The following THSD7B variants were observed in gnomAD, a reference collection of about 807,000 sequenced individuals.
THSD7B encodes the protein thrombospondin type-1 domain-containing protein 7B.
Under a neutral mutation model 213.6 loss-of-function variants are expected in THSD7B, and 138 were observed. The ratio of observed to expected loss-of-function variants is 0.65; its 90% CI spans 0.56 to 0.74. The LOEUF (loss-of-function observed/expected upper bound fraction) is 0.74. THSD7B is among the 30% of genes least tolerant of loss of function. The pLI, the probability that THSD7B is intolerant of heterozygous loss-of-function variation, is 0.00. For synonymous variants in THSD7B, 742 were observed against 687.0 expected, an observed-to-expected ratio of 1.08 and a Z score of -1.25; for missense variants, 1,931 against 1,991.5, an observed-to-expected ratio of 0.97 and a Z score of 0.58.
chr2:136,997,057 A>G (rs968897003), intron 2 of THSD7B, among the ~76,000 whole-genome samples: 1 of 152,206 alleles, frequency 6.6e-6, no homozygotes, highest in African/African-American at 2.4e-5. Flanking sequence ...TGTAATTGGT[A>G]TCTCTTTCCA....
At chr2:137,604,698 T>C (rs1458848650) in intron 17 of THSD7B, among the ~76,000 whole-genome samples, 4 of 152,214 alleles carry the variant, frequency 2.6e-5, no homozygotes, top group African/African-American at 9.6e-5. Context: ...TGATCTCTTG[T>C]TGAGTTTTGC....
chr2:137,027,464 C>T (rs11896345), intron 2 of THSD7B, among the ~76,000 whole-genome samples: 1,801 of 152,272 alleles, frequency 0.012, 26 homozygotes, highest in African/African-American at 0.04. Flanking sequence ...CCAGAAGGAA[C>T]GCAAATTTTA....
intron 15 of THSD7B, among the ~76,000 whole-genome samples, chr2:137,497,281 GTTGA>G (rs1558816690): frequency 2.0e-5 from 3 of 151,512 alleles, no homozygotes; most frequent in Non-Finnish European, 2.9e-5. Context: ...ATAACATTCT[GTTGA>G]TTAACATTGA....
intron 11 of THSD7B, among the ~76,000 whole-genome samples, chr2:137,274,732 G>A (rs1682828309): frequency 6.6e-6 from 1 of 152,018 alleles, no homozygotes; most frequent in African/African-American, 2.4e-5. Flanking sequence ...TGACATTTTA[G>A]TTCAAAAGTT....
intron 2 of THSD7B, among the ~76,000 whole-genome samples, chr2:137,038,986 A>G (rs547346386): frequency 1.3e-5 from 2 of 152,346 alleles, no homozygotes; most frequent in South Asian, 2.1e-4. Flanking sequence ...TTTATGAATT[A>G]GCACTGAAAT....
chr2:137,264,814 ATT>A (rs1055275282), intron 10 of THSD7B, among the ~76,000 whole-genome samples: 1 of 149,724 alleles, frequency 6.7e-6, no homozygotes, highest in Non-Finnish European at 1.5e-5. Context: ...TTTTTTTTAA[ATT>A]TTTTTTATTT....
chr2:136,941,949 A>G (rs554446251), intron 2 of THSD7B, among the ~76,000 whole-genome samples: 4 of 152,254 alleles, frequency 2.6e-5, no homozygotes, highest in African/African-American at 9.6e-5. Flanking sequence ...GGTATTGCCT[A>G]GGTTTTCTTC....
At chr2:136,776,310 A>G (rs145227437) in intron 1 of THSD7B, among the ~76,000 whole-genome samples, 4 of 152,294 alleles carry the variant, frequency 2.6e-5, no homozygotes, top group African/African-American at 7.2e-5. Context: ...AATCTTTAAT[A>G]ACATCTTATT....
intron 4 of THSD7B, among the ~76,000 whole-genome samples, chr2:137,098,567 G>A (rs929925365): frequency 5.3e-5 from 8 of 152,164 alleles, no homozygotes; most frequent in Non-Finnish European, 8.8e-5. Flanking sequence ...CCCTAGAAAA[G>A]CATCATTTGA....
At chr2:137,459,246 T>A (rs1052508015) in intron 15 of THSD7B, among the ~76,000 whole-genome samples, 5 of 152,182 alleles carry the variant, frequency 3.3e-5, no homozygotes, top group African/African-American at 9.7e-5. Flanking sequence ...TTCTTTAGAT[T>A]TTTTAAAGCT....
intron 12 of THSD7B, among the ~76,000 whole-genome samples, chr2:137,359,631 A>G (rs1489978720): frequency 6.6e-6 from 1 of 152,146 alleles, no homozygotes; most frequent in African/African-American, 2.4e-5. Context: ...CCTGACCCAC[A>G]TTTTAAAACA....
intron 18 of THSD7B, 66 bp from the exon 19 acceptor site, chr2:137,618,326 G>A (rs7574994): frequency 0.17 from 204,725 of 1,224,678 alleles, 18,839 homozygotes; most frequent in African/African-American, 0.31. Flanking sequence ...ATAATCAAAG[G>A]TCTGTTGTAT....
intron 2 of THSD7B, among the ~76,000 whole-genome samples, chr2:136,938,997 G>T (rs1227112953): frequency 6.6e-6 from 1 of 152,188 alleles, no homozygotes; most frequent in African/African-American, 2.4e-5. Flanking sequence ...TAATGGGAAG[G>T]ATCTTACATG....
At chr2:137,299,870 G>C (rs1045472427) in intron 12 of THSD7B, among the ~76,000 whole-genome samples, 2 of 152,014 alleles carry the variant, frequency 1.3e-5, no homozygotes, top group African/African-American at 4.8e-5. Flanking sequence ...TCTCTGTATA[G>C]ATTTGTTATA....
chr2:137,153,276 A>G (rs1271835153), intron 5 of THSD7B, among the ~76,000 whole-genome samples: 1 of 152,040 alleles, frequency 6.6e-6, no homozygotes, highest in East Asian at 1.9e-4. Flanking sequence ...GTTACTCTTT[A>G]TCATTAGGAA....
intron 1 of THSD7B, among the ~76,000 whole-genome samples, chr2:136,813,373 G>C (rs892766503): frequency 6.6e-6 from 1 of 152,082 alleles, no homozygotes; most frequent in African/African-American, 2.4e-5. Flanking sequence ...TGACTACAAA[G>C]CTCCTGTTGG....
At chr2:137,269,664 G>T (rs1291773575) in intron 10 of THSD7B, among the ~76,000 whole-genome samples, 1 of 152,162 alleles carries the variant, frequency 6.6e-6, no homozygotes, top group East Asian at 1.9e-4. Flanking sequence ...GACATTAATT[G>T]GGAGTAGGGG....
chr2:137,521,600 G>T lies in THSD7B; in HGVS notation c.3139-41621G>T, dbSNP rs184135285. Among the ~76,000 whole-genome samples, 383 of 152,282 alleles carry T rather than the reference G, an allele frequency of 2.5e-3. 4 individuals carry two copies. Among genetic ancestry groups the T allele is most frequent in the Middle Eastern group, 3.4e-3 (1 of 294 alleles). ...GGCTTTACTGGTACAGGGGAATAAA[G>T]TTGTTAGTGTCTCAACCCTGTTTGT... is the stretch of plus-strand genomic sequence containing the variant. On this transcript the variant is annotated intron_variant, in intron 15 of 27. Coordinates refer to ENST00000409968, the MANE Select transcript of THSD7B (RefSeq NM_001316349.2).
intron 2 of THSD7B, among the ~76,000 whole-genome samples, chr2:136,938,580 A>C (rs540125959): frequency 5.8e-4 from 88 of 152,198 alleles, no homozygotes; most frequent in Non-Finnish European, 1.0e-3. Flanking sequence ...TCTGAAAAAA[A>C]CCAAAAACAT....
Sources: gnomAD v4.1 joint callset for allele counts (sites outside exome capture counted in the v4.1 genomes callset) on GRCh38, gnomAD v4.1.1 for gene constraint, MANE v1.5 for transcripts, NCBI Gene and HGNC (gene_info 2026-07-23, HGNC 2026-07-21) for gene names.